Variants in TRPV3 observed in about 807,000 individuals in gnomAD.
TRPV3 encodes the protein VRL-3.
TRPV3 carries 88 observed loss-of-function variants against 87.1 expected under a neutral mutation model. That is an observed-to-expected ratio of 1.01 (90% CI 0.85 to 1.21). TRPV3 has a LOEUF of 1.21. Ranked by LOEUF, TRPV3 falls within the 50% of genes most tolerant of loss-of-function variation. The probability of loss-of-function intolerance (pLI) is 0.00; values close to 1 mark genes in which losing one functional copy is unlikely to be tolerated. For synonymous variants in TRPV3, 438 were observed against 423.3 expected, an observed-to-expected ratio of 1.03 and a Z score of -0.43; for missense variants, 1,054 against 1,030.1, an observed-to-expected ratio of 1.02 and a Z score of -0.32.
intron 11 of TRPV3, 92 bp downstream of exon 11, chr17:3,527,933 C>G (rs1010009321): frequency 5.0e-6 from 5 of 1,009,584 alleles, no homozygotes; most frequent in African/African-American, 3.2e-5. Context: ...CTCCCCAGAA[C>G]CCCCCAGCAG....
intron 8 of TRPV3, among the ~76,000 whole-genome samples, chr17:3,532,282 G>A (rs541685438): frequency 4.9e-4 from 74 of 152,362 alleles, no homozygotes; most frequent in African/African-American, 1.6e-3. Context: ...TTAGCGCTGC[G>A]CCCGCAGCAG....
At chr17:3,537,916 A>G (rs2074423049) in intron 6 of TRPV3, among the ~76,000 whole-genome samples, 1 of 123,770 alleles carries the variant, frequency 8.1e-6, no homozygotes. Context: ...AAAAAAAGGC[A>G]TGCCAGGCAC....
rs980335528 is a variant in TRPV3 at position 3,518,125 on chromosome 17, C to T, written c.2085+451G>A. Among the ~76,000 whole-genome samples, 3 of 152,194 alleles carry T rather than the reference C, an allele frequency of 2.0e-5. No individual in the cohort carries two copies. The East Asian group carries it at 5.8e-4, about 29-fold the overall frequency. On this transcript the variant is annotated intron_variant, in intron 15 of 17. Transcript: ENST00000576742. This position sits in a 1 kb window ranked among gnomAD's most constrained non-coding sequence, Gnocchi z 4.3. ...TGAGCCACCATGCCCGGCCGCCAAC[C>T]ACCATTTCTTAAGAGGCAGTCTCCA...
chr17:3,518,793 C>A lies in TRPV3; in HGVS notation c.1868G>T (p.Gly623Val). Residue 623 changes from glycine (G) to valine (V), a missense_variant, in exon 15 of 18, where the codon GGC (glycine) becomes GTC (valine). Transcript: ENST00000576742. The surrounding 1 kb of genome is among the most constrained non-coding windows in gnomAD (Gnocchi z 4.3). ...TTCCAGCACTGCGTCGCTGAAGCTG[C>A]CGTAGGAGCTGCAGTCCTTGTTGTC... ...PKDNKDCSSYGSFSDAVLELF... is the reference protein window; with the variant it reads ...PKDNKDCSSYVSFSDAVLELF... 1.2e-6 allele frequency: 2 copies of A among 1,614,098 alleles called. No homozygotes were observed. The highest frequency in any genetic ancestry group is 1.7e-6 in the Non-Finnish European group (2 of 1,180,006).
intron 2 of TRPV3, 55 bp from the exon 3 acceptor site, chr17:3,545,326 C>T: frequency 7.3e-7 from 1 of 1,367,298 alleles, no homozygotes; most frequent in Non-Finnish European, 1.0e-6. Flanking sequence ...GCCTGTCTGC[C>T]TGTGTCCTGC....
At chr17:3,542,789 C>A in intron 5 of TRPV3, 91 bp from the exon 6 acceptor site, 3 of 1,362,150 alleles carry the variant, frequency 2.2e-6, no homozygotes, top group Non-Finnish European at 3.0e-6. Context: ...CAGCCGCAGA[C>A]CCCAAGCCCC....
intron 15 of TRPV3, among the ~76,000 whole-genome samples, 182 bp from the exon 16 acceptor site, chr17:3,516,751 A>C (rs1399291147): frequency 3.3e-5 from 5 of 152,180 alleles, no homozygotes; most frequent in African/African-American, 1.2e-4. Context: ...GCTCACACCT[A>C]TAATCCCAGC....
chr17:3,525,285 G>A (rs1031421168), intron 12 of TRPV3, among the ~76,000 whole-genome samples: 1 of 152,224 alleles, frequency 6.6e-6, no homozygotes, highest in Non-Finnish European at 1.5e-5. Flanking sequence ...CTCCCAAAGT[G>A]CTGGGATTAC....
chr17:3,523,304 T>C (rs910784134), intron 13 of TRPV3, among the ~76,000 whole-genome samples: 1 of 152,176 alleles, frequency 6.6e-6, no homozygotes, highest in Non-Finnish European at 1.5e-5. Flanking sequence ...TCAACATAAA[T>C]CTTAATTGTT....
At chr17:3,546,000 A>G (rs2074521487) in intron 2 of TRPV3, among the ~76,000 whole-genome samples, 1 of 150,772 alleles carries the variant, frequency 6.6e-6, no homozygotes, top group South Asian at 2.1e-4. Flanking sequence ...AAAAAAAAAA[A>G]AAAAAAAGAA....
At chr17:3,526,390 A>G (rs74618915) in intron 12 of TRPV3, among the ~76,000 whole-genome samples, 1 of 151,956 alleles carries the variant, frequency 6.6e-6, no homozygotes. Flanking sequence ...AGGCAGGAGA[A>G]TCGCTTGAAC....
rs535164048 is a variant in TRPV3 at position 3,524,482 on chromosome 17, G to C, written c.1578-119C>G. 5.5e-6 allele frequency: 7 copies of C among 1,262,294 alleles called. No homozygotes were observed. The African/African-American group carries it at 1.1e-4, about 19-fold the overall frequency. The allele number at this position is 1,262,294 out of a possible 1,614,324, so 78.2% of individuals were successfully genotyped here. A position where few individuals can be genotyped will look rare whatever the true frequency, so the allele number is the denominator to read the frequency against. On this transcript the variant is annotated intron_variant, in intron 12 of 17. Coordinates refer to ENST00000576742, the MANE Select transcript of TRPV3 (RefSeq NM_145068.4). ...AACAGTCACCCCGGTGACGGATGCT[G>C]AAGAGACCAGAATCACGCTGCCTCA...
In TRPV3 at chr17:3,544,603, G is replaced by T; in HGVS notation, c.287C>A (p.Thr96Asn). ...CCTGGGGCTGTTGGGATTGGATGGGGTCTCTGTCACATCATCCTGAGGAGA... is the reference window on the plus strand; with the variant it reads ...CCTGGGGCTGTTGGGATTGGATGGGTTCTCTGTCACATCATCCTGAGGAGA... ...PQSPQDDVTETPSNPNSPSAQ... is the reference protein window; with the variant it reads ...PQSPQDDVTENPSNPNSPSAQ... The change falls in exon 4 of 18, where the codon ACC becomes AAC. Residue 96 changes from threonine (T) to asparagine (N), a missense_variant. Transcript: ENST00000576742. 5.6e-6 allele frequency: 9 copies of T among 1,607,936 alleles called. No individual in the cohort carries two copies. The highest frequency in any genetic ancestry group is 6.8e-6 in the Non-Finnish European group (8 of 1,178,488).
chr17:3,553,704 TCTC>T (rs1354941246), intron 2 of TRPV3: 11 of 152,434 alleles, frequency 7.2e-5, no homozygotes, highest in African/African-American at 2.4e-4. Context: ...CTTCCCACTC[TCTC>T]CTCGACTCCC....
intron 2 of TRPV3, among the ~76,000 whole-genome samples, chr17:3,549,008 A>T (rs111661346): frequency 1.3e-5 from 2 of 152,154 alleles, no homozygotes; most frequent in African/African-American, 4.8e-5. Flanking sequence ...GCGGCCCTGC[A>T]GTGCCCCAGA....
intron 12 of TRPV3, among the ~76,000 whole-genome samples, chr17:3,525,940 A>G (rs78262635): frequency 0.04 from 6,051 of 152,206 alleles, 423 homozygotes; most frequent in African/African-American, 0.14. Flanking sequence ...TTTAAGTATA[A>G]TATATCGCAA....
rs561488663 is a variant in TRPV3, at chr17:3,525,340, A to T, written c.1578-977T>A. Among the ~76,000 whole-genome samples the T allele has an allele frequency of 2.0e-5, 3 of 152,194 alleles. No individual in the cohort carries two copies. In the East Asian group the frequency reaches 5.8e-4, roughly 29 times the overall value. On this transcript the variant is annotated intron_variant, in intron 12 of 17. Transcript: ENST00000576742. ...CAGCATTAAATCTTTTTAAAGTATG[A>T]TGTATGCTAAGTGAAATAAGATAGG...
At chr17:3,517,264 C>G (rs2074191228) in intron 15 of TRPV3, among the ~76,000 whole-genome samples, 1 of 152,128 alleles carries the variant, frequency 6.6e-6, no homozygotes, top group Non-Finnish European at 1.5e-5. Flanking sequence ...CTTGGAATCT[C>G]TCTGCAGTTT....
At chr17:3,517,850 GCT>G (rs913818708) in intron 15 of TRPV3, among the ~76,000 whole-genome samples, 2 of 129,638 alleles carry the variant, frequency 1.5e-5, no homozygotes, top group African/African-American at 6.0e-5. Context: ...CAGAGTTTTT[GCT>G]CTGTCACCCA....
Sources: allele counts gnomAD v4.1 joint callset (sites outside exome capture counted in the v4.1 genomes callset), GRCh38; gene constraint gnomAD v4.1.1; non-coding constraint Gnocchi (gnomAD v3.1); transcripts MANE v1.5; gene names NCBI Gene and HGNC (gene_info 2026-07-23, HGNC 2026-07-21).